Variants in OPCML observed in about 807,000 individuals in gnomAD.
The protein encoded by OPCML is opioid binding protein/cell adhesion molecule like, also known as opioid-binding protein/cell adhesion molecule.
Under a neutral mutation model 37.8 loss-of-function variants are expected in OPCML, and 13 were observed. The observed-to-expected ratio is 0.34, with a 90% CI of 0.22 to 0.55. The LOEUF (loss-of-function observed/expected upper bound fraction) is 0.55, where lower values mean the gene tolerates loss of function less well. OPCML is among the 20% of genes least tolerant of loss of function. The pLI, the probability that OPCML is intolerant of heterozygous loss-of-function variation, is 0.91. For missense variants in OPCML, 341 were observed against 435.6 expected (o/e 0.78, Z 1.93); for synonymous variants, 176 against 168.8 (o/e 1.04, Z -0.33).
At chr11:133,165,015 C>G (rs551925950) in intron 1 of OPCML, among the ~76,000 whole-genome samples, 109 of 152,282 alleles carry the variant, frequency 7.2e-4, no homozygotes, top group African/African-American at 2.5e-3. Context: ...GGTAAATGAA[C>G]TAGAAACCCA....
intron 4 of OPCML, among the ~76,000 whole-genome samples, chr11:132,495,695 TC>T (rs2096229027): frequency 6.6e-6 from 1 of 152,040 alleles, no homozygotes; most frequent in Admixed American, 6.6e-5. Context: ...ATTGAGACCA[TC>T]CTGGCTAACA....
At chr11:132,634,750 TAAGGCA>T (rs1479803409) in intron 3 of OPCML, among the ~76,000 whole-genome samples, 2 of 152,232 alleles carry the variant, frequency 1.3e-5, no homozygotes, top group Non-Finnish European at 2.9e-5. Flanking sequence ...AAGAAGGTTG[TAAGGCA>T]TTCATGACCA....
intron 1 of OPCML, chr11:133,300,321 C>G (rs549285031): frequency 6.6e-6 from 1 of 152,156 alleles, no homozygotes; most frequent in Non-Finnish European, 1.5e-5. Context: ...TTCTCCCCTG[C>G]TGCTCTTGTG....
intron 2 of OPCML, among the ~76,000 whole-genome samples, chr11:132,912,293 G>A (rs1011603337): frequency 6.6e-6 from 1 of 152,218 alleles, no homozygotes; most frequent in South Asian, 2.1e-4. Context: ...AGTATAGTAC[G>A]TTGCAAATTC....
intron 4 of OPCML, among the ~76,000 whole-genome samples, chr11:132,469,530 G>A (rs1592221364): frequency 7.0e-6 from 1 of 143,676 alleles, no homozygotes; most frequent in Non-Finnish European, 1.6e-5. Flanking sequence ...GGGTGTGTGT[G>A]TATGTATGTG....
At chr11:133,245,331 T>C (rs1174484128) in intron 1 of OPCML, among the ~76,000 whole-genome samples, 1 of 152,214 alleles carries the variant, frequency 6.6e-6, no homozygotes, top group Non-Finnish European at 1.5e-5. Flanking sequence ...CAGTTAACTT[T>C]TAGGAACTTT....
intron 2 of OPCML, chr11:132,772,661 AC>A (rs1400403844): frequency 6.6e-6 from 1 of 152,094 alleles, no homozygotes; most frequent in East Asian, 1.9e-4. Context: ...TCCTCTTCTC[AC>A]CCCTGTACAA....
rs749902124 is a variant in OPCML at position 133,098,213 on chromosome 11, CTT to C, written c.62-155205_62-155204del. 1.3e-3 allele frequency among the ~76,000 whole-genome samples: 170 copies of C among 133,596 alleles called. 2 individuals are homozygous for C. Among genetic ancestry groups the C allele is most frequent in the Middle Eastern group, 3.8e-3 (1 of 262 alleles). 87.6% of individuals were successfully genotyped at this position (133,596 alleles called of 152,430 possible). A position where few individuals can be genotyped will look rare whatever the true frequency, so the allele number is the denominator to read the frequency against. ...TCCCAGGTATGCAAGGCTGGTTAAA[CTT>C]TTTTTTTTTTTTTTTTTGGAGATGG... On this transcript the variant is annotated intron_variant, in intron 1 of 7. Coordinates refer to ENST00000524381, the MANE Select transcript of OPCML (RefSeq NM_001012393.5).
intron 1 of OPCML, among the ~76,000 whole-genome samples, chr11:133,320,589 TAAAAG>T (rs1392491966): frequency 2.0e-5 from 3 of 152,228 alleles, no homozygotes; most frequent in Non-Finnish European, 4.4e-5. Flanking sequence ...TTCATAAATT[TAAAAG>T]AAAGCTAATG....
intron 4 of OPCML, among the ~76,000 whole-genome samples, chr11:132,472,694 G>A (rs1565591381): frequency 6.6e-6 from 1 of 152,202 alleles, no homozygotes; most frequent in Admixed American, 6.5e-5. Context: ...CCAGCAGCAG[G>A]AACTGTGTGG....
At chr11:133,123,246 T>G (rs1347615550) in intron 1 of OPCML, among the ~76,000 whole-genome samples, 1 of 152,172 alleles carries the variant, frequency 6.6e-6, no homozygotes, top group Non-Finnish European at 1.5e-5. Context: ...GGGTGACAGA[T>G]GATTCTTGCC....
chr11:132,565,240 A>G (rs770854215), intron 3 of OPCML, among the ~76,000 whole-genome samples: 6 of 152,126 alleles, frequency 3.9e-5, no homozygotes, highest in Non-Finnish European at 8.8e-5. Flanking sequence ...TCCCTTTTAC[A>G]ATATGGCCAA....
intron 1 of OPCML, among the ~76,000 whole-genome samples, chr11:133,453,538 T>C (rs2136963109): frequency 6.6e-6 from 1 of 152,350 alleles, no homozygotes; most frequent in South Asian, 2.1e-4. Context: ...ATAGATTGCA[T>C]TAAAATTGAT....
intron 2 of OPCML, among the ~76,000 whole-genome samples, chr11:132,930,539 CA>C (rs964044956): frequency 6.6e-6 from 1 of 151,716 alleles, no homozygotes; most frequent in South Asian, 2.1e-4. Context: ...CAAAAATCAA[CA>C]AAAAAATCAA....
chr11:133,354,583 C>A (rs1204242195), intron 1 of OPCML, among the ~76,000 whole-genome samples: 2 of 152,054 alleles, frequency 1.3e-5, no homozygotes, highest in Admixed American at 6.5e-5. Flanking sequence ...AACTTTGGTC[C>A]ACTTTTATAA....
chr11:132,931,037 C>G (rs747802112), intron 2 of OPCML, among the ~76,000 whole-genome samples: 19 of 152,008 alleles, frequency 1.2e-4, no homozygotes, highest in Non-Finnish European at 2.2e-4. Flanking sequence ...TTACTTTTAA[C>G]AAGGATACCA....
At chr11:132,611,556 T>C (rs145829000) in intron 3 of OPCML, among the ~76,000 whole-genome samples, 2,159 of 152,272 alleles carry the variant, frequency 0.014, 54 homozygotes, top group African/African-American at 0.049. Context: ...GAGGACAAGG[T>C]TTTTATCTCA....
intron 2 of OPCML, among the ~76,000 whole-genome samples, chr11:132,800,268 A>G (rs1938569157): frequency 6.6e-6 from 1 of 152,180 alleles, no homozygotes; most frequent in Admixed American, 6.5e-5. Context: ...TTATCCTGCA[A>G]CCTTGCTTAA....
chr11:133,081,837 C>A (rs986889455), intron 1 of OPCML, among the ~76,000 whole-genome samples: 1 of 151,974 alleles, frequency 6.6e-6, no homozygotes, highest in South Asian at 2.1e-4. Flanking sequence ...CAGCGCCCCT[C>A]CCCGCCCCTC....
Sources: allele counts gnomAD v4.1 joint callset (sites outside exome capture counted in the v4.1 genomes callset), GRCh38; gene constraint gnomAD v4.1.1; transcripts MANE v1.5; gene names NCBI Gene and HGNC (gene_info 2026-07-23, HGNC 2026-07-21).